PAFAH1B1: variants seen among roughly 807,000 people sequenced by gnomAD.
The protein encoded by PAFAH1B1 is platelet-activating factor acetylhydrolase IB subunit beta.
Under a neutral mutation model 57.5 loss-of-function variants are expected in PAFAH1B1, and 2 were observed. The ratio of observed to expected loss-of-function variants is 0.03; its 90% CI spans 0.01 to 0.11. The LOEUF (loss-of-function observed/expected upper bound fraction) is 0.11, where lower values mean the gene tolerates loss of function less well. PAFAH1B1 is among the 10% of genes least tolerant of loss of function. The pLI is 1.00. For synonymous variants in PAFAH1B1, 152 were observed against 169.6 expected (o/e 0.90, Z 0.81); for missense variants, 257 against 512.0 (o/e 0.50, Z 4.81).
chr17:2,616,089 C>T (rs1268453665), intron 1 of PAFAH1B1, among the ~76,000 whole-genome samples: 1 of 152,156 alleles, frequency 6.6e-6, no homozygotes, highest in Non-Finnish European at 1.5e-5. Flanking sequence ...CCTTATTCAG[C>T]ACATCTTTCT....
chr17:2,623,216 C>G (rs992648786), intron 1 of PAFAH1B1, among the ~76,000 whole-genome samples: 1 of 151,012 alleles, frequency 6.6e-6, no homozygotes, highest in African/African-American at 2.4e-5. Flanking sequence ...ATGCAGATTT[C>G]TGCAGCCAGC....
chr17:2,643,704 C>T (rs940150756), intron 2 of PAFAH1B1, among the ~76,000 whole-genome samples: 3 of 152,078 alleles, frequency 2.0e-5, no homozygotes, highest in African/African-American at 7.2e-5. Context: ...GGGTTACAGG[C>T]AGGCACCACC....
intron 1 of PAFAH1B1, among the ~76,000 whole-genome samples, chr17:2,596,822 G>A (rs1597504722): frequency 6.6e-6 from 1 of 152,104 alleles, no homozygotes; most frequent in Non-Finnish European, 1.5e-5. Flanking sequence ...ACTTTGGGAG[G>A]CCGAGGCAGG....
Position 2,665,387 on chromosome 17 carries a change from A to G in PAFAH1B1, c.48A>G (p.Ala16=). ...TTTCTTTCAGAAATCGAGCTATAGC[A>G]GATTATCTTCGTTCAAATGGCTATG... The part of the protein sequence containing the change: ...RQRDELNRAI[A]DYLRSNGYEE... Residue 16 remains alanine, a synonymous_variant, in exon 3 of 11, where the codon GCA becomes GCG. Transcript: ENST00000397195. The G allele has an allele frequency of 6.2e-7, 1 of 1,602,304 alleles. No homozygotes were observed. Among genetic ancestry groups the G allele is most frequent in the Non-Finnish European group, 8.5e-7 (1 of 1,171,132 alleles).
At chr17:2,652,743 A>G (rs920122599) in intron 2 of PAFAH1B1, among the ~76,000 whole-genome samples, 1 of 152,142 alleles carries the variant, frequency 6.6e-6, no homozygotes, top group Non-Finnish European at 1.5e-5. Flanking sequence ...TTAGTTTAAG[A>G]TTGGGTACTT....
rs2069426465 is a variant in PAFAH1B1, at chr17:2,683,957, A to C, written c.*2155A>C. Reference sequence around the variant, plus strand: ...AAGCCACAACATCTAGAAATCACTCATAGATATTGAACAATAAAGGAGAAT... The same window carrying C: ...AAGCCACAACATCTAGAAATCACTCCTAGATATTGAACAATAAAGGAGAAT... On this transcript the variant is annotated 3_prime_UTR_variant, in exon 11 of 11. Coordinates refer to ENST00000397195, the MANE Select transcript of PAFAH1B1 (RefSeq NM_000430.4). The C allele has an allele frequency of 7.9e-5, 12 of 152,768 alleles. 1 individual carries two copies. The South Asian group carries it at 2.5e-3, about 32-fold the overall frequency. The allele number at this position is 152,768 out of a possible 1,614,324, so 9.5% of individuals were successfully genotyped here.
At chr17:2,644,170 T>G (rs1241674302) in intron 2 of PAFAH1B1, among the ~76,000 whole-genome samples, 1 of 152,108 alleles carries the variant, frequency 6.6e-6, no homozygotes, top group Non-Finnish European at 1.5e-5. Context: ...GCTCTTTTTT[T>G]TTTTTTTCTT....
intron 1 of PAFAH1B1, among the ~76,000 whole-genome samples, chr17:2,633,488 T>A (rs2068582176): frequency 6.6e-6 from 1 of 151,810 alleles, no homozygotes; most frequent in South Asian, 2.1e-4. Context: ...TTTTTTTTTT[T>A]AATTTGTAAG....
At chr17:2,679,288 A>C (rs1271283455) in intron 9 of PAFAH1B1, among the ~76,000 whole-genome samples, 1 of 152,240 alleles carries the variant, frequency 6.6e-6, no homozygotes, top group African/African-American at 2.4e-5. Flanking sequence ...GTCCTTAAAG[A>C]TAAATTGCAA....
intron 2 of PAFAH1B1, among the ~76,000 whole-genome samples, chr17:2,662,480 C>T (rs1369192257): frequency 6.8e-6 from 1 of 146,626 alleles, no homozygotes; most frequent in Non-Finnish European, 1.5e-5. Flanking sequence ...CTTGGCTCAC[C>T]GAAACCTTTG....
chr17:2,647,787 G>A (rs2068788541), intron 2 of PAFAH1B1, among the ~76,000 whole-genome samples: 1 of 151,842 alleles, frequency 6.6e-6, no homozygotes. Context: ...GGTGGATCAT[G>A]GGGTCAGGTG....
At chr17:2,595,961 T>G (rs2068080496) in intron 1 of PAFAH1B1, among the ~76,000 whole-genome samples, 1 of 152,196 alleles carries the variant, frequency 6.6e-6, no homozygotes, top group Admixed American at 6.6e-5. Flanking sequence ...AGCTGTGAAA[T>G]GCTGTATTGC....
chr17:2,607,302 T>G (rs2068216677), intron 1 of PAFAH1B1, among the ~76,000 whole-genome samples: 1 of 151,718 alleles, frequency 6.6e-6, no homozygotes, highest in South Asian at 2.1e-4. Context: ...GCCTCCTGAG[T>G]AGCTGGGACT....
intron 2 of PAFAH1B1, among the ~76,000 whole-genome samples, chr17:2,643,517 A>C (rs550248443): frequency 6.6e-6 from 1 of 151,186 alleles, no homozygotes; most frequent in South Asian, 2.1e-4. Context: ...AGGCCTCACA[A>C]AGTGCTGGGA....
At chr17:2,609,888 G>T (rs565676656) in intron 1 of PAFAH1B1, among the ~76,000 whole-genome samples, 1 of 152,056 alleles carries the variant, frequency 6.6e-6, no homozygotes, top group African/African-American at 2.4e-5. Context: ...GCAGTGGCAC[G>T]ATCTCGGCTC....
At chr17:2,650,606 C>T (rs1252269977) in intron 2 of PAFAH1B1, among the ~76,000 whole-genome samples, 1 of 137,618 alleles carries the variant, frequency 7.3e-6, no homozygotes, top group African/African-American at 2.7e-5. Flanking sequence ...CGCCACTGCA[C>T]TCCAGCCTGG....
chr17:2,677,761 G>T (rs971133219), intron 9 of PAFAH1B1, among the ~76,000 whole-genome samples: 11 of 152,040 alleles, frequency 7.2e-5, no homozygotes, highest in African/African-American at 2.7e-4. Context: ...GGCTGAGGCA[G>T]GAGAATGGCG....
In PAFAH1B1 at chr17:2,680,243, C is replaced by G. The variant is rs1484185583; in HGVS notation, c.1082C>G (p.Thr361Ser). 1 of 1,613,870 alleles carries G rather than the reference C, an allele frequency of 6.2e-7. No individual in the cohort carries two copies. Reference sequence around the variant, plus strand: ...ATTTTGAGTTGTGCTGATGACAAGACCCTACGCGTATGGGATTACAAGAAC... The same window carrying G: ...ATTTTGAGTTGTGCTGATGACAAGAGCCTACGCGTATGGGATTACAAGAAC... ...KFILSCADDK[T>S]LRVWDYKNKR... Residue 361 changes from threonine to serine, a missense_variant, in exon 10 of 11, where the codon ACC becomes AGC. Coordinates refer to ENST00000397195, the MANE Select transcript of PAFAH1B1 (RefSeq NM_000430.4).
intron 1 of PAFAH1B1, among the ~76,000 whole-genome samples, chr17:2,623,012 T>C (rs2068444004): frequency 1.3e-5 from 2 of 151,998 alleles, no homozygotes; most frequent in Non-Finnish European, 2.9e-5. Flanking sequence ...ACAGCTGGAG[T>C]GGCTGGGACA....
Sources: gnomAD v4.1 joint callset for allele counts (sites outside exome capture counted in the v4.1 genomes callset) on GRCh38, gnomAD v4.1.1 for gene constraint, MANE v1.5 for transcripts, NCBI Gene and HGNC (gene_info 2026-07-23, HGNC 2026-07-21) for gene names.